Variants in DACH2 observed in about 807,000 individuals in gnomAD.
The protein encoded by DACH2 is dachshund homolog 2.
A neutral mutation model predicts 35.8 loss-of-function variants in DACH2; 17 were observed. That is an observed-to-expected ratio of 0.48 (90% CI 0.33 to 0.71). The LOEUF is 0.71. Ranked by LOEUF, DACH2 falls within the 30% of genes least tolerant of loss-of-function variation. The probability of loss-of-function intolerance (pLI) is 0.02; values close to 1 mark genes in which losing one functional copy is unlikely to be tolerated. For missense variants in DACH2, 469 were observed against 472.7 expected (o/e 0.99, Z 0.07); for synonymous variants, 195 against 177.3 (o/e 1.10, Z -0.79).
chrX:86,180,176 G>GTATA (rs72366047), intron 1 of DACH2, among the ~76,000 whole-genome samples: 1,149 of 42,858 alleles, frequency 0.027, 108 homozygotes, highest in African/African-American at 0.08. Flanking sequence ...ATGCTAAACC[G>GTATA]TATATATATA....
At chrX:86,312,297 TTATG>T (rs2034817818) in intron 1 of DACH2, among the ~76,000 whole-genome samples, 1 of 112,336 alleles carries the variant, frequency 8.9e-6, no homozygotes, top group Admixed American at 9.5e-5. Context: ...ATTGTTAACT[TTATG>T]TAATAGTATT....
intron 3 of DACH2, among the ~76,000 whole-genome samples, chrX:86,622,372 A>C (rs1319482863): frequency 9.0e-6 from 1 of 111,662 alleles, no homozygotes; most frequent in Non-Finnish European, 1.9e-5. Flanking sequence ...GGTAAAAAGG[A>C]AGTCAATCTT....
intron 4 of DACH2, among the ~76,000 whole-genome samples, chrX:86,671,486 T>C (rs2040763727): frequency 9.0e-6 from 1 of 111,128 alleles, no homozygotes; most frequent in African/African-American, 3.3e-5. Context: ...GCTATTCTCA[T>C]GATAGTGAGT....
chrX:86,437,846 G>A (rs1227680865), intron 2 of DACH2, among the ~76,000 whole-genome samples: 1 of 107,748 alleles, frequency 9.3e-6, no homozygotes, highest in Non-Finnish European at 1.9e-5. Flanking sequence ...TTGAAGATTT[G>A]ATATATTCAA....
intron 7 of DACH2, among the ~76,000 whole-genome samples, chrX:86,793,144 T>C (rs2042202956): frequency 9.0e-6 from 1 of 111,395 alleles, no homozygotes; most frequent in South Asian, 3.8e-4. Flanking sequence ...ATCTACCCGT[T>C]GGCCATTTGT....
At chrX:86,664,302 A>C (rs1409485440) in intron 4 of DACH2, among the ~76,000 whole-genome samples, 2 of 111,426 alleles carry the variant, frequency 1.8e-5, no homozygotes, top group Non-Finnish European at 3.8e-5. Context: ...AGCAGTAGTA[A>C]ATATTTCAGT....
chrX:86,419,967 C>T (rs2036775432), intron 2 of DACH2, among the ~76,000 whole-genome samples: 1 of 111,608 alleles, frequency 9.0e-6, no homozygotes, highest in African/African-American at 3.3e-5. Flanking sequence ...TCTGTGAGCT[C>T]AGTATGCTCA....
chrX:86,716,909 A>G (rs2041343185), intron 6 of DACH2, among the ~76,000 whole-genome samples: 1 of 112,173 alleles, frequency 8.9e-6, no homozygotes, highest in Non-Finnish European at 1.9e-5. Context: ...TGGAATTGTC[A>G]CAAACAATTT....
At chrX:86,719,943 C>CTTTTTTTTTTTTTTT (rs35089560) in intron 6 of DACH2, among the ~76,000 whole-genome samples, 1 of 63,593 alleles carries the variant, frequency 1.6e-5, no homozygotes, top group Non-Finnish European at 3.0e-5. Context: ...TTTTTTTTTT[C>CTTTTTTTTTTTTTTT]TTTTTTTTTT....
chrX:86,779,229 A>G (rs1016425138), intron 7 of DACH2, among the ~76,000 whole-genome samples: 9 of 111,995 alleles, frequency 8.0e-5, no homozygotes, highest in Non-Finnish European at 1.5e-4. Flanking sequence ...TATTTAAAAT[A>G]AGGTGACCAT....
rs747829012 is a variant in DACH2, at chrX:86,774,098, A to T, written c.1240+34216A>T. On this transcript the variant is annotated intron_variant, in intron 7 of 11. Coordinates refer to ENST00000373125, the MANE Select transcript of DACH2 (RefSeq NM_053281.3). ...AAAATTAAAAATCAAAAATTTAAAAAAAACTAATGAAATTCCCTTTTGAAA... is the reference window on the plus strand; with the variant it reads ...AAAATTAAAAATCAAAAATTTAAAATAAACTAATGAAATTCCCTTTTGAAA... Among the ~76,000 whole-genome samples, 445 of 112,113 alleles carry T rather than the reference A, an allele frequency of 4.0e-3. 2 individuals are homozygous for T. Among genetic ancestry groups the T allele is most frequent in the African/African-American group, 0.014 (425 of 30,896 alleles).
intron 11 of DACH2, among the ~76,000 whole-genome samples, chrX:86,821,178 AATT>A (rs1421667260): frequency 9.0e-6 from 1 of 110,745 alleles, no homozygotes; most frequent in African/African-American, 3.3e-5. Context: ...ACCAACCATT[AATT>A]ATTAATTTCC....
intron 7 of DACH2, among the ~76,000 whole-genome samples, chrX:86,765,698 G>GTTTTTTTTTTTT (rs60709865): frequency 2.8e-4 from 7 of 24,632 alleles, no homozygotes; most frequent in East Asian, 3.3e-3. Context: ...TTGTTTTTTG[G>GTTTTTTTTTTTT]TTTTTTTTTT....
At chrX:86,326,547 T>C (rs1438375230) in intron 1 of DACH2, among the ~76,000 whole-genome samples, 2 of 109,972 alleles carry the variant, frequency 1.8e-5, no homozygotes, top group Non-Finnish European at 3.8e-5. Flanking sequence ...TTAACTTTTA[T>C]TTTGGATTCA....
chrX:86,769,973 G>A (rs1230891110), intron 7 of DACH2, among the ~76,000 whole-genome samples: 4 of 105,594 alleles, frequency 3.8e-5, no homozygotes, highest in Non-Finnish European at 3.9e-5. Context: ...ACCAGACTGG[G>A]CAACATGGCA....
intron 1 of DACH2, among the ~76,000 whole-genome samples, chrX:86,296,397 A>G (rs1306954902): frequency 1.1e-5 from 1 of 94,017 alleles, no homozygotes; most frequent in African/African-American, 4.3e-5. Flanking sequence ...AAAAAAAAAA[A>G]AAAAAAAAAA....
Position 86,391,003 on chromosome X carries a change from C to T in DACH2, c.527+14141C>T, listed in dbSNP as rs765267418. ...GGAGCTTTTGAAAGGTTTCTTGGCC[C>T]GGTGCAGTGGCTCATGCCTGTAATC... On this transcript the variant is annotated intron_variant, in intron 2 of 11. Transcript: ENST00000373125. 2.4e-4 allele frequency among the ~76,000 whole-genome samples: 26 copies of T among 109,490 alleles called. No individual in the cohort carries two copies. In the South Asian group the frequency reaches 0.01, roughly 44 times the overall value.
intron 1 of DACH2, among the ~76,000 whole-genome samples, chrX:86,305,925 G>C (rs775850930): frequency 9.0e-6 from 1 of 111,508 alleles, no homozygotes; most frequent in Non-Finnish European, 1.9e-5. Flanking sequence ...AATGGCTATC[G>C]TCAAAAAGAC....
Position 86,827,757 on chromosome X carries a change from T to C in DACH2, c.1751-4349T>C, listed in dbSNP as rs1205908133. ...ATTTTGACCAGGTCTTATTGTTTTT[T>C]CTGTGCAGCCTGAACACTGATGCCG... On this transcript the variant is annotated intron_variant, in intron 11 of 11. Transcript: ENST00000373125. 8.6e-6 allele frequency: 10 copies of C among 1,166,337 alleles called. No individual in the cohort carries two copies. In the South Asian group the frequency reaches 1.7e-4, roughly 20 times the overall value.
Sources: gnomAD v4.1 joint callset for allele counts (sites outside exome capture counted in the v4.1 genomes callset) on GRCh38, gnomAD v4.1.1 for gene constraint, MANE v1.5 for transcripts, NCBI Gene and HGNC (gene_info 2026-07-23, HGNC 2026-07-21) for gene names.